Variants in NKAIN2 observed in about 807,000 individuals in gnomAD.
NKAIN2 encodes sodium/potassium transporting ATPase interacting 2.
A neutral mutation model predicts 32.6 loss-of-function variants in NKAIN2; 14 were observed. The observed-to-expected ratio is 0.43, with a 90% CI of 0.28 to 0.67. The LOEUF is 0.67. Ranked by LOEUF, NKAIN2 falls within the 30% of genes least tolerant of loss-of-function variation. The pLI, the probability that NKAIN2 is intolerant of heterozygous loss-of-function variation, is 0.17. For missense variants in NKAIN2, 198 were observed against 258.3 expected, an observed-to-expected ratio of 0.77 and a Z score of 1.60; for synonymous variants, 80 against 87.2, an observed-to-expected ratio of 0.92 and a Z score of 0.46.
At chr6:124,125,479 G>T (rs1023686258) in intron 1 of NKAIN2, among the ~76,000 whole-genome samples, 1 of 152,044 alleles carries the variant, frequency 6.6e-6, no homozygotes, top group African/African-American at 2.4e-5. Flanking sequence ...CTAATGGGAT[G>T]GTAGGGAAAA....
chr6:124,039,052 A>G (rs1169271631), intron 1 of NKAIN2, among the ~76,000 whole-genome samples: 1 of 152,100 alleles, frequency 6.6e-6, no homozygotes, highest in African/African-American at 2.4e-5. Flanking sequence ...TAAAAAGGAC[A>G]TTCTTACATA....
At chr6:123,880,262 A>G (rs1032170165) in intron 1 of NKAIN2, among the ~76,000 whole-genome samples, 2 of 152,180 alleles carry the variant, frequency 1.3e-5, no homozygotes, top group Non-Finnish European at 1.5e-5. Flanking sequence ...GGCTTGTGCC[A>G]TTTGGGTGTG....
intron 3 of NKAIN2, among the ~76,000 whole-genome samples, chr6:124,422,948 A>G (rs1774822906): frequency 6.6e-6 from 1 of 152,386 alleles, no homozygotes; most frequent in African/African-American, 2.4e-5. Flanking sequence ...ATGACATACA[A>G]AAGAAAATTA....
At chr6:123,920,330 A>G (rs1397928548) in intron 1 of NKAIN2, among the ~76,000 whole-genome samples, 1 of 152,136 alleles carries the variant, frequency 6.6e-6, no homozygotes, top group African/African-American at 2.4e-5. Flanking sequence ...CAGATTTTAA[A>G]TTGGGCTGAT....
chr6:124,442,593 A>G (rs1230952684), intron 3 of NKAIN2, among the ~76,000 whole-genome samples: 1 of 151,970 alleles, frequency 6.6e-6, no homozygotes, highest in Non-Finnish European at 1.5e-5. Context: ...CTGAAATACC[A>G]TTTCTGTGTT....
At chr6:123,886,107 C>A (rs1773703021) in intron 1 of NKAIN2, among the ~76,000 whole-genome samples, 4 of 152,002 alleles carry the variant, frequency 2.6e-5, no homozygotes, top group Admixed American at 6.6e-5. Context: ...TTAACCAGAA[C>A]AAAGGCATGC....
Position 124,001,133 on chromosome 6 carries a change from G to A in NKAIN2, c.54+196879G>A, listed in dbSNP as rs147891188. On this transcript the variant is annotated intron_variant, in intron 1 of 6. Transcript: ENST00000368417. ...CAAATTTGGGGTACCATCCAATGGT[G>A]CTGAGAAACTGACTTTATAATCTGT... 3.5e-4 allele frequency among the ~76,000 whole-genome samples: 54 copies of A among 152,154 alleles called. No homozygotes were observed. The East Asian group carries it at 7.3e-3, about 21-fold the overall frequency.
chr6:124,339,387 T>C (rs936049179), intron 2 of NKAIN2, among the ~76,000 whole-genome samples: 1 of 152,098 alleles, frequency 6.6e-6, no homozygotes, highest in African/African-American at 2.4e-5. Flanking sequence ...AGAAATTTAT[T>C]CTTCTGGAGT....
intron 3 of NKAIN2, among the ~76,000 whole-genome samples, chr6:124,428,679 G>A (rs1282115848): frequency 1.3e-5 from 2 of 152,104 alleles, no homozygotes; most frequent in Non-Finnish European, 2.9e-5. Context: ...TTTAAGGCTA[G>A]GGACAATATC....
chr6:124,456,044 A>AT (rs952687495), intron 3 of NKAIN2, among the ~76,000 whole-genome samples: 17 of 150,840 alleles, frequency 1.1e-4, no homozygotes, highest in Non-Finnish European at 1.6e-4. Context: ...TGTAAGTGAC[A>AT]TTTTTTTTTC....
intron 4 of NKAIN2, among the ~76,000 whole-genome samples, chr6:124,682,529 C>T (rs1003640194): frequency 6.6e-5 from 10 of 152,118 alleles, no homozygotes; most frequent in African/African-American, 2.4e-4. Context: ...CTCACAACCA[C>T]AGGATATCAT....
At chr6:124,233,651 T>A (rs7769936) in intron 1 of NKAIN2, among the ~76,000 whole-genome samples, 2,073 of 152,302 alleles carry the variant, frequency 0.014, 46 homozygotes, top group African/African-American at 0.047. Flanking sequence ...ATGTTATACA[T>A]TGATGACATA....
intron 1 of NKAIN2, among the ~76,000 whole-genome samples, chr6:124,211,228 C>T (rs1791157048): frequency 6.6e-6 from 1 of 151,742 alleles, no homozygotes; most frequent in South Asian, 2.1e-4. Flanking sequence ...TTTTTCCTTC[C>T]TCATGAGCAA....
chr6:124,722,536 A>G (rs1209581606), intron 4 of NKAIN2, among the ~76,000 whole-genome samples: 1 of 152,198 alleles, frequency 6.6e-6, no homozygotes, highest in Non-Finnish European at 1.5e-5. Flanking sequence ...GAGTCTCATA[A>G]GGAGCATGCA....
intron 3 of NKAIN2, among the ~76,000 whole-genome samples, chr6:124,471,131 T>C (rs1167666126): frequency 1.3e-5 from 2 of 152,170 alleles, no homozygotes; most frequent in Non-Finnish European, 2.9e-5. Context: ...AACTCCTGGG[T>C]TGAAGGATTT....
chr6:124,476,397 CTGTGTGTGTGTGTGTG>C (rs56691516), intron 3 of NKAIN2, among the ~76,000 whole-genome samples: 12,521 of 137,602 alleles, frequency 0.091, 604 homozygotes, highest in African/African-American at 0.16. Flanking sequence ...ATGTATGTGA[CTGTGTGTGTGTGTGTG>C]TGTGTGTGTG....
intron 1 of NKAIN2, among the ~76,000 whole-genome samples, chr6:123,938,343 C>A (rs9491007): frequency 0.028 from 3,960 of 139,276 alleles, 164 homozygotes; most frequent in African/African-American, 0.094. Flanking sequence ...AGTCAAGTGG[C>A]CAGAGATAGA....
At chr6:124,281,837 A>T (rs1795309981) in intron 1 of NKAIN2, among the ~76,000 whole-genome samples, 2 of 152,198 alleles carry the variant, frequency 1.3e-5, no homozygotes, top group African/African-American at 4.8e-5. Flanking sequence ...GCCTGTTTTG[A>T]GAGTCAGTAT....
At chr6:124,061,183 C>A (rs1297064626) in intron 1 of NKAIN2, among the ~76,000 whole-genome samples, 2 of 152,056 alleles carry the variant, frequency 1.3e-5, no homozygotes, top group South Asian at 2.1e-4. Context: ...ATTGTAAAAG[C>A]AAGTCTGAAT....
Sources: allele counts gnomAD v4.1 joint callset (sites outside exome capture counted in the v4.1 genomes callset), GRCh38; gene constraint gnomAD v4.1.1; transcripts MANE v1.5; gene names NCBI Gene and HGNC (gene_info 2026-07-23, HGNC 2026-07-21).